Variants in ACADL observed in about 807,000 individuals in gnomAD.
ACADL encodes the protein long-chain specific acyl-CoA dehydrogenase, mitochondrial.
A neutral mutation model predicts 56.9 loss-of-function variants in ACADL; 60 were observed. The observed-to-expected ratio is 1.05, with a 90% confidence interval of 0.86 to 1.31. ACADL has a LOEUF of 1.31. ACADL is among the 50% of genes most tolerant of loss of function. The pLI, the probability that ACADL is intolerant of heterozygous loss-of-function variation, is 0.00. For synonymous variants in ACADL, 158 were observed against 179.7 expected, an observed-to-expected ratio of 0.88 and a Z score of 0.97; for missense variants, 484 against 525.5, an observed-to-expected ratio of 0.92 and a Z score of 0.77.
intron 1 of ACADL, 178 bp downstream of exon 1, chr2:210,225,009 G>C: frequency 2.0e-6 from 2 of 985,406 alleles, no homozygotes; most frequent in Non-Finnish European, 2.4e-6. Flanking sequence ...CCCAGATGCT[G>C]GTTGCACCCA....
Position 210,216,494 on chromosome 2 carries a change from G to C in ACADL, c.389C>G (p.Ser130Ter), listed in dbSNP as rs757530795. 4 of 1,606,218 alleles carry C rather than the reference G, an allele frequency of 2.5e-6. No homozygotes were observed. The South Asian group carries it at 4.4e-5, about 18-fold the overall frequency. Residue 130 changes from serine (S) to a stop codon, truncating the protein, a stop_gained, in exon 4 of 11, where the codon TCA becomes TGA. Coordinates refer to ENST00000233710, the MANE Select transcript of ACADL (RefSeq NM_001608.4). LOFTEE classifies it high-confidence loss of function. Reference protein sequence around the residue: ...VWEEQAYSNCSGPGFSIHSGI... With the variant: ...VWEEQAYSNC ...TGAATGAATACTAAAACCTGGGCCT[G>C]AACAATTTGAATAAGCTCTTAGAAT...
At chr2:210,204,081 G>A (rs1375845982) in intron 7 of ACADL, among the ~76,000 whole-genome samples, 1 of 152,118 alleles carries the variant, frequency 6.6e-6, no homozygotes, top group Admixed American at 6.6e-5. Context: ...CACTAGGCAG[G>A]AGTACCCCCT....
chr2:210,204,198 A>G (rs1688846632), intron 7 of ACADL, among the ~76,000 whole-genome samples: 1 of 152,172 alleles, frequency 6.6e-6, no homozygotes, highest in South Asian at 2.1e-4. Context: ...TGAATTTTAT[A>G]CTTTTCCCTT....
rs1279130817 is a variant in ACADL at position 210,204,995 on chromosome 2, TAGAA to T, written c.769-317_769-314del. Among the ~76,000 whole-genome samples, 33 of 152,286 alleles carry T rather than the reference TAGAA, an allele frequency of 2.2e-4. No individual in the cohort carries two copies. The South Asian group carries it at 5.8e-3, about 27-fold the overall frequency. ...CAAAACATGCATTTTTGGTAATGTATAGAAAGAACATTTTCTGGGTTTTTTTTGT... is the reference window on the plus strand; with the variant it reads ...CAAAACATGCATTTTTGGTAATGTATAGAACATTTTCTGGGTTTTTTTTGT... On this transcript the variant is annotated intron_variant, in intron 6 of 10. Transcript: ENST00000233710.
At chr2:210,223,349 A>G (rs1160747364) in intron 1 of ACADL, among the ~76,000 whole-genome samples, 3 of 152,156 alleles carry the variant, frequency 2.0e-5, no homozygotes, top group Non-Finnish European at 4.4e-5. Flanking sequence ...CTAGGCTATT[A>G]TTGTTTTTTT....
chr2:210,195,298 C>CAT lies in ACADL; in HGVS notation c.1023_1024dup (p.Cys342TyrfsTer3), dbSNP rs1166611139. The CAT allele has an allele frequency of 1.7e-5, 28 of 1,613,468 alleles. No individual in the cohort carries two copies. The highest frequency in any genetic ancestry group is 2.7e-5 in the African/African-American group (2 of 74,890). ...GTTGTCCACAAATGCTCGGGTTACA[C>CAT]ATATATGTGTTTTTAATTCTGCTAA... On this transcript the variant is annotated frameshift_variant, in exon 9 of 11. Coordinates refer to ENST00000233710, the MANE Select transcript of ACADL (RefSeq NM_001608.4). LOFTEE classifies it high-confidence loss of function.
rs145668318 is a variant in ACADL at position 210,220,740 on chromosome 2, A to G, written c.140T>C (p.Ile47Thr). The change falls in exon 2 of 11, where the codon ATA becomes ACA. Residue 47 changes from isoleucine to threonine, a missense_variant. Physicochemically the swap from Ile to Thr is moderately conservative, Grantham distance 89. Coordinates refer to ENST00000233710, the MANE Select transcript of ACADL (RefSeq NM_001608.4). The stretch of plus-strand genomic sequence containing the variant: ...TGGAGAAAAGATTCTTCGAATTCCT[A>G]TATCTGTTAATTTTTTAGCAGAAGG... ...ETPSAKKLTD[I>T]GIRRIFSPEH... The G allele has an allele frequency of 3.0e-4, 477 of 1,612,636 alleles. 1 individual carries two copies. The highest frequency in any genetic ancestry group is 3.8e-4 in the Non-Finnish European group (444 of 1,179,282).
chr2:210,218,049 T>C lies in ACADL; in HGVS notation c.287A>G (p.Gln96Arg). 3 of 1,614,064 alleles carry C rather than the reference T, an allele frequency of 1.9e-6. No individual in the cohort carries two copies. The South Asian group carries it at 3.3e-5, about 18-fold the overall frequency. Residue 96 changes from glutamine to arginine, a missense_variant, in exon 3 of 11, where the codon CAA becomes CGA. Transcript: ENST00000233710. ...TGCAATATTGACACCAAGCAGTCCTTGTTTTCCAGCTTTTTCCCAAACCTC... is the reference window on the plus strand; with the variant it reads ...TGCAATATTGACACCAAGCAGTCCTCGTTTTCCAGCTTTTTCCCAAACCTC... Reference protein sequence around the residue: ...SREVWEKAGKQGLLGVNIAEH... With the variant: ...SREVWEKAGKRGLLGVNIAEH...
intron 1 of ACADL, among the ~76,000 whole-genome samples, chr2:210,223,904 C>A (rs1415921017): frequency 6.6e-6 from 1 of 152,036 alleles, no homozygotes; most frequent in Non-Finnish European, 1.5e-5. Context: ...ATAGATATAA[C>A]CTACATAAAC....
intron 1 of ACADL, among the ~76,000 whole-genome samples, chr2:210,222,117 C>T (rs1169408742): frequency 1.3e-5 from 2 of 152,004 alleles, no homozygotes; most frequent in Non-Finnish European, 2.9e-5. Context: ...TTACTGAGTG[C>T]CAATTCTGTG....
chr2:210,204,594 T>G lies in ACADL; in HGVS notation c.857A>C (p.Lys286Thr), dbSNP rs762128009. 5 of 1,606,172 alleles carry G rather than the reference T, an allele frequency of 3.1e-6. No individual in the cohort carries two copies. The highest frequency in any genetic ancestry group is 1.7e-6 in the Non-Finnish European group (2 of 1,173,060). Reference sequence around the variant, plus strand: ...AACACTTCTGACCTGTGGAAGCTCTTTCATGATGTAATAGAAGCCTTTATT... The same window carrying G: ...AACACTTCTGACCTGTGGAAGCTCTGTCATGATGTAATAGAAGCCTTTATT... Reference protein sequence around the residue: ...EENKGFYYIMKELPQERLLIA... With the variant: ...EENKGFYYIMTELPQERLLIA... The change falls in exon 7 of 11, where the codon AAA becomes ACA. Residue 286 changes from lysine to threonine, a missense_variant. Transcript: ENST00000233710.
At chr2:210,214,471 G>GAAAGAAAGAAAGAAAGA (rs1553690991) in intron 4 of ACADL, among the ~76,000 whole-genome samples, 1 of 141,416 alleles carries the variant, frequency 7.1e-6, no homozygotes, top group Non-Finnish European at 1.5e-5. Context: ...TTCCAAAAAA[G>GAAAGAAAGAAAGAAAGA]AAAGAAAGAA....
Position 210,225,017 on chromosome 2 carries a change from C to G in ACADL, c.77+170G>C, listed in dbSNP as rs535927577. The G allele has an allele frequency of 2.0e-5, 20 of 985,400 alleles. No individual in the cohort carries two copies. In the African/African-American group the frequency reaches 3.5e-4, roughly 17 times the overall value. The allele number at this position is 985,400 out of a possible 1,614,324, so 61.0% of individuals were successfully genotyped here. The stretch of plus-strand genomic sequence containing the variant: ...TCCTCCGCCCAGATGCTGGTTGCAC[C>G]CAGTCCGCGGGATCCAGGAAAGGAG... On this transcript the variant is annotated intron_variant, in intron 1 of 10. Transcript: ENST00000233710.
At chr2:210,195,729 G>T (rs966519559) in intron 8 of ACADL, among the ~76,000 whole-genome samples, 33 of 152,034 alleles carry the variant, frequency 2.2e-4, no homozygotes, top group Admixed American at 1.6e-3. Flanking sequence ...TTAAATCCTT[G>T]AAGATTTTTT....
At chr2:210,204,770 C>A in intron 6 of ACADL, 88 bp from the exon 7 acceptor site, 1 of 1,114,180 alleles carries the variant, frequency 9.0e-7, no homozygotes, top group Middle Eastern at 2.0e-4. Context: ...TTATTTTTTC[C>A]AAAAAAACAA....
intron 9 of ACADL, among the ~76,000 whole-genome samples, chr2:210,193,856 G>A (rs1688671913): frequency 6.6e-6 from 1 of 151,952 alleles, no homozygotes; most frequent in African/African-American, 2.4e-5. Context: ...TCAATAGTGG[G>A]AAGCATAAAG....
rs369672042 is a variant in ACADL at position 210,195,247 on chromosome 2, C to T, written c.1076G>A (p.Arg359His). 37 of 1,613,710 alleles carry T rather than the reference C, an allele frequency of 2.3e-5. 1 individual carries two copies. The highest frequency in any genetic ancestry group is 1.6e-4 in the Middle Eastern group (1 of 6,082). ...DNCLQLHEAK[R>H]LDSATACMAK... ...CATGCAAGCAGTGGCGGAGTCCAAA[C>T]GTTTCGCTTCATGCAGCTGGAGACA... The change falls in exon 9 of 11, where the codon CGT becomes CAT. Residue 359 changes from arginine (R) to histidine (H), a missense_variant. Coordinates refer to ENST00000233710, the MANE Select transcript of ACADL (RefSeq NM_001608.4).
chr2:210,203,533 T>C (rs1688833625), intron 7 of ACADL, 89 bp from the exon 8 acceptor site: 1 of 800,524 alleles, frequency 1.2e-6, no homozygotes. Flanking sequence ...CTATAAATTA[T>C]CTTTATAATA....
In ACADL at chr2:210,225,188, G is replaced by C; in HGVS notation, c.76C>G (p.Arg26Gly). ...HRAPRQLPAA[R>G]CSHSGGEERL... is the part of the protein sequence containing the mutation. The stretch of plus-strand genomic sequence containing the variant: ...GCGGAAGTCCCGGCTGGCACTCACC[G>C]CGCGGCGGGCAGCTGGCGCGGCGCA... Residue 26 changes from arginine (R) to glycine (G), a missense_variant and splice_region_variant, in exon 1 of 11, where the codon CGA becomes GGA. By Grantham distance (125) the Arg-to-Gly change is moderately radical (BLOSUM62 -2). Coordinates refer to ENST00000233710, the MANE Select transcript of ACADL (RefSeq NM_001608.4). 1 of 1,532,870 alleles carries C rather than the reference G, an allele frequency of 6.5e-7. No homozygotes were observed. The highest frequency in any genetic ancestry group is 8.7e-7 in the Non-Finnish European group (1 of 1,145,208). 95.0% of individuals were successfully genotyped at this position (1,532,870 alleles called of 1,614,324 possible).
Sources: allele counts gnomAD v4.1 joint callset (sites outside exome capture counted in the v4.1 genomes callset), GRCh38; gene constraint gnomAD v4.1.1; transcripts MANE v1.5; gene names NCBI Gene and HGNC (gene_info 2026-07-23, HGNC 2026-07-21).